Variants in SMC6 observed in about 807,000 individuals in gnomAD.
The protein encoded by SMC6 is structural maintenance of chromosomes 6, also known as structural maintenance of chromosomes protein 6.
Under a neutral mutation model 142.2 loss-of-function variants are expected in SMC6, and 79 were observed. That is an observed-to-expected ratio of 0.56 (90% CI 0.46 to 0.67). The LOEUF is 0.67. Ranked by LOEUF, SMC6 falls within the 30% of genes least tolerant of loss-of-function variation. The pLI is 0.00. For synonymous variants in SMC6, 411 were observed against 412.4 expected (o/e 1.00, Z 0.04); for missense variants, 1,072 against 1,284.0 (o/e 0.83, Z 2.52).
At chr2:17,718,817 C>A (rs955485763) in intron 11 of SMC6, among the ~76,000 whole-genome samples, 2 of 152,114 alleles carry the variant, frequency 1.3e-5, no homozygotes, top group Non-Finnish European at 2.9e-5. Context: ...AAGGGCCTCG[C>A]ATTCTACAAT....
intron 25 of SMC6, among the ~76,000 whole-genome samples, chr2:17,676,530 C>T (rs1666999984): frequency 6.6e-6 from 1 of 151,962 alleles, no homozygotes; most frequent in African/African-American, 2.4e-5. Flanking sequence ...TATTTTAGGC[C>T]CTTTGCATTT....
At chr2:17,714,554 A>T (rs1404184828) in intron 16 of SMC6, among the ~76,000 whole-genome samples, 3 of 152,166 alleles carry the variant, frequency 2.0e-5, no homozygotes, top group South Asian at 2.1e-4. Flanking sequence ...AATGGGTGCC[A>T]ATGTTCTTCC....
rs146977826 is a variant in SMC6 at position 17,751,721 on chromosome 2, G to C, written c.-6+1257C>G. On this transcript the variant is annotated intron_variant, in intron 2 of 27. Transcript: ENST00000448223. ...TGCTAACATTAACCTAAGCAACTAC[G>C]CTTGACCCTCAGTCAGCTGGACTTA... 3.2e-3 allele frequency among the ~76,000 whole-genome samples: 492 copies of C among 152,274 alleles called. 4 individuals carry two copies. The highest frequency in any genetic ancestry group is 0.011 in the African/African-American group (458 of 41,564).
At chr2:17,675,186 AGAGATT>A (rs1666944358) in intron 25 of SMC6, among the ~76,000 whole-genome samples, 3 of 152,040 alleles carry the variant, frequency 2.0e-5, no homozygotes, top group Admixed American at 2.0e-4. Flanking sequence ...TGGTTACTCT[AGAGATT>A]GCAATATGTA....
chr2:17,753,343 G>T (rs1248836721), intron 1 of SMC6, among the ~76,000 whole-genome samples: 9 of 151,996 alleles, frequency 5.9e-5, no homozygotes, highest in Non-Finnish European at 1.3e-4. Context: ...CCGCCTGGGA[G>T]GGGACGGCCG....
In SMC6 at chr2:17,696,321, G is replaced by T; in HGVS notation, c.2500C>A (p.Arg834=). 2 of 1,598,632 alleles carry T rather than the reference G, an allele frequency of 1.3e-6. No individual in the cohort carries two copies. Among genetic ancestry groups the T allele is most frequent in the Non-Finnish European group, 1.7e-6 (2 of 1,176,174 alleles). Residue 834 remains arginine, a synonymous_variant, in exon 22 of 28, where the codon CGA becomes AGA. Coordinates refer to ENST00000448223, the MANE Select transcript of SMC6 (RefSeq NM_001142286.2). ...EHLDTLNKKK[R]ELDMKEKELE... is the part of the protein sequence containing the mutation. ...TCTTTCTCTTTCATATCCAGTTCTC[G>T]TTTCTTTTTATTTAAGGTATCCAAG... is the stretch of plus-strand genomic sequence containing the variant.
rs73218887 is a variant in SMC6, at chr2:17,716,631, A to G, written c.1346+110T>C. 2,813 of 1,107,134 alleles carry G rather than the reference A, an allele frequency of 2.5e-3. 39 individuals are homozygous for G. In the African/African-American group the frequency reaches 0.036, roughly 14 times the overall value. 68.6% of individuals were successfully genotyped at this position (1,107,134 alleles called of 1,614,324 possible). A position where few individuals can be genotyped will look rare whatever the true frequency, so the allele number is the denominator to read the frequency against. On this transcript the variant is annotated intron_variant, in intron 14 of 27. Coordinates refer to ENST00000448223, the MANE Select transcript of SMC6 (RefSeq NM_001142286.2). The stretch of plus-strand genomic sequence containing the variant: ...ATAAAAATAAAATCTTTTTAAAAAG[A>G]TCCCTTATTATGTAGAAGAAACAAC...
At chr2:17,695,556 AAATTT>A (rs1242068032) in intron 22 of SMC6, among the ~76,000 whole-genome samples, 2 of 152,222 alleles carry the variant, frequency 1.3e-5, no homozygotes, top group Non-Finnish European at 2.9e-5. Context: ...CTAGTGAAAC[AAATTT>A]AATGCAGCAG....
At chr2:17,718,837 A>C (rs72768637) in intron 11 of SMC6, among the ~76,000 whole-genome samples, 1 of 152,348 alleles carries the variant, frequency 6.6e-6, no homozygotes, top group Non-Finnish European at 1.5e-5. Context: ...TGAACAGCTT[A>C]CAACTTAATC....
At chr2:17,677,049 C>CT (rs1276157101) in intron 25 of SMC6, among the ~76,000 whole-genome samples, 5 of 152,066 alleles carry the variant, frequency 3.3e-5, no homozygotes, top group Admixed American at 2.6e-4. Flanking sequence ...TTTTTCTGGG[C>CT]TAACTGCACT....
chr2:17,699,914 G>C (rs961518133), intron 21 of SMC6, among the ~76,000 whole-genome samples: 2 of 151,882 alleles, frequency 1.3e-5, no homozygotes, highest in African/African-American at 2.4e-5. Context: ...ACACGTACGA[G>C]ACGTCTCTGC....
chr2:17,717,860 C>T (rs1377910313), intron 12 of SMC6, among the ~76,000 whole-genome samples: 1 of 151,934 alleles, frequency 6.6e-6, no homozygotes, highest in Non-Finnish European at 1.5e-5. Flanking sequence ...TGACAGATGT[C>T]TGTAGTCCCA....
rs149823902 is a variant in SMC6 at position 17,739,829 on chromosome 2, C to G, written c.239-1503G>C. On this transcript the variant is annotated intron_variant, in intron 4 of 27. Transcript: ENST00000448223. ...GAGATCCTTTCTCTTTAAACACACA[C>G]ACACACACACACACAGACACACACA... Among the ~76,000 whole-genome samples the G allele has an allele frequency of 1.2e-3, 138 of 115,592 alleles. 1 individual carries two copies. The East Asian group carries it at 0.027, about 23-fold the overall frequency. 75.8% of individuals were successfully genotyped at this position (115,592 alleles called of 152,430 possible).
rs540243975 is a variant in SMC6, at chr2:17,678,676, T to G, written c.2910+183A>C. ...CTATACTCCTAGCTACTTGGGAGGC[T>G]GAGGCAGGAGGGTCGCTTGAGCCTA... is the stretch of plus-strand genomic sequence containing the variant. On this transcript the variant is annotated intron_variant, in intron 25 of 27. Coordinates refer to ENST00000448223, the MANE Select transcript of SMC6 (RefSeq NM_001142286.2). Among the ~76,000 whole-genome samples, 22 of 151,752 alleles carry G rather than the reference T, an allele frequency of 1.4e-4. No homozygotes were observed. The East Asian group carries it at 4.3e-3, about 29-fold the overall frequency.
At chr2:17,685,657 TA>T (rs2124865655) in intron 23 of SMC6, among the ~76,000 whole-genome samples, 1 of 151,746 alleles carries the variant, frequency 6.6e-6, no homozygotes, top group South Asian at 2.1e-4. Flanking sequence ...TAAAAAATCA[TA>T]GGTAATTAGA....
chr2:17,714,747 A>G (rs1668996330), intron 16 of SMC6, 114 bp downstream of exon 16: 3 of 1,122,640 alleles, frequency 2.7e-6, no homozygotes, highest in African/African-American at 1.6e-5. Context: ...TGGCTTGATG[A>G]AATTTTACAA....
intron 2 of SMC6, 21 bp from the exon 3 acceptor site, chr2:17,745,972 A>G: frequency 6.4e-7 from 1 of 1,568,830 alleles, no homozygotes; most frequent in South Asian, 1.2e-5. Flanking sequence ...ATTTATAGTA[A>G]CAATGAGGTA....
chr2:17,716,598 T>C, intron 14 of SMC6, 143 bp downstream of exon 14: 1 of 859,982 alleles, frequency 1.2e-6, no homozygotes, highest in Non-Finnish European at 1.7e-6. Context: ...CTCTGCAAAG[T>C]ATTTAACATA....
chr2:17,710,396 A>G (rs1386043453), intron 16 of SMC6, among the ~76,000 whole-genome samples: 2 of 152,184 alleles, frequency 1.3e-5, no homozygotes, highest in Non-Finnish European at 2.9e-5. Context: ...AGTGAAAAAT[A>G]TATATTAAGT....
Sources: allele counts gnomAD v4.1 joint callset (sites outside exome capture counted in the v4.1 genomes callset), GRCh38; gene constraint gnomAD v4.1.1; transcripts MANE v1.5; gene names NCBI Gene and HGNC (gene_info 2026-07-23, HGNC 2026-07-21).